IGDCC3: variants seen among roughly 807,000 people sequenced by gnomAD.
The protein encoded by IGDCC3 is putative neuronal cell adhesion molecule.
In IGDCC3, 47 loss-of-function variants were observed where a neutral mutation model predicts 72.0. The observed-to-expected ratio is 0.65, with a 90% CI of 0.52 to 0.83. The LOEUF is 0.83. Ranked by LOEUF, IGDCC3 falls within the 40% of genes least tolerant of loss-of-function variation. The pLI, the probability that IGDCC3 is intolerant of heterozygous loss-of-function variation, is 0.00. For missense variants in IGDCC3, 1,038 were observed against 1,091.3 expected, an observed-to-expected ratio of 0.95 and a Z score of 0.69; for synonymous variants, 477 against 472.8, an observed-to-expected ratio of 1.01 and a Z score of -0.11.
chr15:65,341,092 G>C (rs541731909), intron 2 of IGDCC3, among the ~76,000 whole-genome samples: 1 of 152,234 alleles, frequency 6.6e-6, no homozygotes, highest in South Asian at 2.1e-4. Flanking sequence ...AAATTGAGAT[G>C]GGCTGTAAGT....
chr15:65,356,848 C>CTTTTTGTTTTTTTTTTTTTTTT (rs2091225168), intron 2 of IGDCC3, among the ~76,000 whole-genome samples: 1 of 70,898 alleles, frequency 1.4e-5, no homozygotes, highest in East Asian at 4.4e-4. Flanking sequence ...AATGGACCTG[C>CTTTTTGTTTTTTTTTTTTTTTT]TTTTTTTTTT....
intron 5 of IGDCC3, among the ~76,000 whole-genome samples, chr15:65,333,975 G>A (rs1373237830): frequency 1.3e-5 from 2 of 152,058 alleles, no homozygotes; most frequent in Admixed American, 6.6e-5. Flanking sequence ...CTCTCCCAGG[G>A]ACCCGAGCCC....
In IGDCC3 at chr15:65,329,387, C is replaced by A. The variant is rs772111765; in HGVS notation, c.2205+3G>T. ...GGGGTTTGTTTAAGACATGGGCACT[C>A]ACTGTGGGTCTGGGGTCCGGCTGCC... is the stretch of plus-strand genomic sequence containing the variant. On this transcript the variant is annotated splice_donor_region_variant and intron_variant, in intron 13 of 13. Transcript: ENST00000327987. This position sits in a 1 kb window ranked among gnomAD's most constrained non-coding sequence, Gnocchi z 4.1. 5.1e-6 allele frequency: 8 copies of A among 1,582,130 alleles called. No individual in the cohort carries two copies. Among genetic ancestry groups the A allele is most frequent in the Non-Finnish European group, 6.8e-6 (8 of 1,168,660 alleles).
chr15:65,330,918 G>T, intron 9 of IGDCC3, 132 bp downstream of exon 9: 2 of 1,167,310 alleles, frequency 1.7e-6, no homozygotes, highest in Non-Finnish European at 2.4e-6. Context: ...TTTCCTCCAA[G>T]TAGACTCAGC....
intron 6 of IGDCC3, 115 bp downstream of exon 6, chr15:65,333,142 G>A: frequency 9.6e-7 from 1 of 1,041,622 alleles, no homozygotes; most frequent in Non-Finnish European, 1.3e-6. Flanking sequence ...GGGGCGAGGG[G>A]CAGGGCGAGT....
intron 2 of IGDCC3, among the ~76,000 whole-genome samples, chr15:65,336,597 A>C (rs1461371756): frequency 1.3e-5 from 2 of 152,020 alleles, no homozygotes; most frequent in African/African-American, 4.8e-5. Flanking sequence ...TGTTGCATCC[A>C]TCCAAGGTGA....
At chr15:65,354,777 A>T (rs180935320) in intron 2 of IGDCC3, among the ~76,000 whole-genome samples, 87 of 152,258 alleles carry the variant, frequency 5.7e-4, no homozygotes, top group Admixed American at 2.8e-3. Flanking sequence ...TCCTCCAACA[A>T]GTTATTATAA....
intron 2 of IGDCC3, among the ~76,000 whole-genome samples, chr15:65,338,265 C>T (rs981235417): frequency 6.6e-6 from 1 of 152,240 alleles, no homozygotes; most frequent in South Asian, 2.1e-4. Flanking sequence ...TGCTGTACCT[C>T]TCGATCAGCT....
chr15:65,345,558 G>GCGCA (rs1555431073), intron 2 of IGDCC3, among the ~76,000 whole-genome samples: 2,570 of 145,836 alleles, frequency 0.018, 72 homozygotes, highest in African/African-American at 0.061. Context: ...TGTCTCACAC[G>GCGCA]CACACACACA....
At chr15:65,346,647 CAG>C (rs1340916404) in intron 2 of IGDCC3, among the ~76,000 whole-genome samples, 6 of 152,030 alleles carry the variant, frequency 3.9e-5, no homozygotes, top group Non-Finnish European at 1.5e-5. Flanking sequence ...TTAGTAGAGA[CAG>C]GGTCTCACCA....
chr15:65,365,893 G>T (rs990049071), intron 2 of IGDCC3, among the ~76,000 whole-genome samples: 3 of 152,084 alleles, frequency 2.0e-5, no homozygotes, highest in African/African-American at 7.2e-5. Flanking sequence ...AACATAGTGA[G>T]ACCCTCATCT....
In IGDCC3 at chr15:65,336,103, G is replaced by A. The variant is rs1252434013; in HGVS notation, c.410-147C>T. 25 of 758,598 alleles carry A rather than the reference G, an allele frequency of 3.3e-5. 1 individual carries two copies. The South Asian group carries it at 3.7e-4, about 11-fold the overall frequency. 47.0% of individuals were successfully genotyped at this position (758,598 alleles called of 1,614,324 possible). On this transcript the variant is annotated intron_variant, in intron 2 of 13. Transcript: ENST00000327987. Reference sequence around the variant, plus strand: ...TTCCTGCAAGGGCAATAGCTTGGGGGACCCATCAGCACTTACCCCAGCCTC... The same window carrying A: ...TTCCTGCAAGGGCAATAGCTTGGGGAACCCATCAGCACTTACCCCAGCCTC...
chr15:65,350,461 T>C (rs1386615736), intron 2 of IGDCC3, among the ~76,000 whole-genome samples: 1 of 78,540 alleles, frequency 1.3e-5, no homozygotes, highest in East Asian at 7.7e-4. Context: ...GAGACTTAGC[T>C]TTTTTTTTTT....
rs546832326 is a variant in IGDCC3 at position 65,337,474 on chromosome 15, T to C, written c.410-1518A>G. On this transcript the variant is annotated intron_variant, in intron 2 of 13. Transcript: ENST00000327987. ...TCAATCACACACATCCCCACGTAGG[T>C]ACAGCCCTTATAAACAGTACCTTGG... Among the ~76,000 whole-genome samples the C allele has an allele frequency of 2.0e-5, 3 of 152,166 alleles. No homozygotes were observed. The South Asian group carries it at 6.2e-4, about 32-fold the overall frequency.
Position 65,331,601 on chromosome 15 carries a change from C to G in IGDCC3, c.1207G>C (p.Glu403Gln). ...EDEAIYQCVA[E>Q]NSAGSSQASA... ...GCCTGTGATGAGCCCGCACTGTTCT[C>G]GGCCACACACTGATAAATGGCTTCA... The change falls in exon 8 of 14, where the codon GAG becomes CAG. Residue 403 changes from glutamate to glutamine, a missense_variant. By Grantham distance (29) the Glu-to-Gln change is conservative. Coordinates refer to ENST00000327987, the MANE Select transcript of IGDCC3 (RefSeq NM_004884.4). The G allele has an allele frequency of 6.2e-7, 1 of 1,613,288 alleles. No individual in the cohort carries two copies. Among genetic ancestry groups the G allele is most frequent in the Non-Finnish European group, 8.5e-7 (1 of 1,179,576 alleles).
At chr15:65,348,552 A>G (rs2091146026) in intron 2 of IGDCC3, among the ~76,000 whole-genome samples, 1 of 152,182 alleles carries the variant, frequency 6.6e-6, no homozygotes, top group Admixed American at 6.5e-5. Flanking sequence ...ACTTTGGGTA[A>G]GTGATGCGGT....
rs1445395628 is a variant in IGDCC3, at chr15:65,334,795, G to A, written c.756C>T (p.His252=). The A allele has an allele frequency of 1.9e-6, 3 of 1,612,320 alleles. No individual in the cohort carries two copies. The highest frequency in any genetic ancestry group is 2.2e-5 in the East Asian group (1 of 44,832). The change falls in exon 5 of 14, where the codon CAC becomes CAT. Residue 252 remains histidine, a synonymous_variant. Coordinates refer to ENST00000327987, the MANE Select transcript of IGDCC3 (RefSeq NM_004884.4). ...VGPENLTLTV[H]QTAVLECVAT... ...CGACACACTCAAGCACCGCGGTCTG[G>A]TGCACTGTCAGGGTGAGGTTCTCAG...
chr15:65,334,957 C>T, intron 4 of IGDCC3, 92 bp from the exon 5 acceptor site: 2 of 1,400,948 alleles, frequency 1.4e-6, no homozygotes, highest in Non-Finnish European at 1.9e-6. Context: ...GGGTGGGAAA[C>T]AAACACCAGC....
intron 2 of IGDCC3, among the ~76,000 whole-genome samples, chr15:65,350,879 A>T (rs1050013544): frequency 2.6e-5 from 4 of 152,248 alleles, no homozygotes; most frequent in African/African-American, 9.6e-5. Context: ...AGTTGCTAAG[A>T]GTTAACATTA....
Sources: allele counts gnomAD v4.1 joint callset (sites outside exome capture counted in the v4.1 genomes callset), GRCh38; gene constraint gnomAD v4.1.1; non-coding constraint Gnocchi (gnomAD v3.1); transcripts MANE v1.5; gene names NCBI Gene and HGNC (gene_info 2026-07-23, HGNC 2026-07-21).